The following XPO6 variants were observed in gnomAD, a reference collection of about 807,000 sequenced individuals.
XPO6 encodes exportin 6, also known as exportin-6.
A neutral mutation model predicts 130.0 loss-of-function variants in XPO6; 3 were observed. The ratio of observed to expected loss-of-function variants is 0.02; its 90% CI spans 0.01 to 0.06. The LOEUF is 0.06. Among genes scored for constraint, XPO6 ranks in the 10% least tolerant of loss-of-function variants. The pLI, the probability that XPO6 is intolerant of heterozygous loss-of-function variation, is 1.00. For synonymous variants in XPO6, 524 were observed against 548.9 expected, an observed-to-expected ratio of 0.95 and a Z score of 0.63; for missense variants, 970 against 1,393.0, an observed-to-expected ratio of 0.70 and a Z score of 4.83.
intron 14 of XPO6, among the ~76,000 whole-genome samples, chr16:28,120,719 TAGTA>T (rs1157975881): frequency 6.6e-6 from 1 of 152,202 alleles, no homozygotes; most frequent in African/African-American, 2.4e-5. Flanking sequence ...AAAACCACCA[TAGTA>T]AGTAAGATTC....
chr16:28,164,002 CCA>C (rs2043317934), intron 6 of XPO6, among the ~76,000 whole-genome samples: 3 of 152,178 alleles, frequency 2.0e-5, no homozygotes, highest in Admixed American at 6.5e-5. Context: ...GAGAAATAAA[CCA>C]CACACACTCC....
chr16:28,174,672 T>C (rs1769098702), intron 4 of XPO6, among the ~76,000 whole-genome samples: 1 of 152,242 alleles, frequency 6.6e-6, no homozygotes, highest in African/African-American at 2.4e-5. Flanking sequence ...AGAGAAGCAC[T>C]TTGGATGCTG....
intron 1 of XPO6, among the ~76,000 whole-genome samples, chr16:28,195,471 G>A (rs1164940973): frequency 6.6e-6 from 1 of 152,158 alleles, no homozygotes; most frequent in Non-Finnish European, 1.5e-5. Flanking sequence ...AGTCAAACAT[G>A]GCCAGGCGTG....
rs1426475966 is a variant in XPO6 at position 28,175,948 on chromosome 16, G to A, written c.355C>T (p.Arg119Cys). The A allele has an allele frequency of 6.2e-6, 10 of 1,614,152 alleles. No homozygotes were observed. The highest frequency in any genetic ancestry group is 1.1e-5 in the South Asian group (1 of 91,082). ...KLCKVIVDIGRQDWPMFYHDF... is the reference protein window; with the variant it reads ...KLCKVIVDIGCQDWPMFYHDF... ...TGGTAGAACATGGGCCAATCCTGACGTCCAATATCAACAATAACTTTGCAG... is the reference window on the plus strand; with the variant it reads ...TGGTAGAACATGGGCCAATCCTGACATCCAATATCAACAATAACTTTGCAG... The change falls in exon 4 of 24, where the codon CGT (arginine) becomes TGT (cysteine). Residue 119 changes from arginine (R) to cysteine (C), a missense_variant. Coordinates refer to ENST00000304658, the MANE Select transcript of XPO6 (RefSeq NM_015171.4).
Position 28,106,596 on chromosome 16 carries a change from T to C in XPO6, c.2498-99A>G. 3.4e-6 allele frequency: 3 copies of C among 893,932 alleles called. No homozygotes were observed. Among genetic ancestry groups the C allele is most frequent in the Non-Finnish European group, 5.4e-6 (3 of 553,544 alleles). 55.4% of individuals were successfully genotyped at this position (893,932 alleles called of 1,614,324 possible). A position where few individuals can be genotyped will look rare whatever the true frequency, so the allele number is the denominator to read the frequency against. ...ACTCCTGAAATCTGCACTATCAGCT[T>C]TCTCTACAGCTTCCTGCTGGAAACA... On this transcript the variant is annotated intron_variant, in intron 18 of 23. Coordinates refer to ENST00000304658, the MANE Select transcript of XPO6 (RefSeq NM_015171.4). The surrounding 1 kb of genome is among the most constrained non-coding windows in gnomAD (Gnocchi z 4.2).
chr16:28,150,482 G>A (rs747957582), intron 8 of XPO6, among the ~76,000 whole-genome samples: 5 of 152,144 alleles, frequency 3.3e-5, no homozygotes, highest in Non-Finnish European at 7.3e-5. Flanking sequence ...CTTAGGTGAG[G>A]AAACTGAAAT....
chr16:28,100,862 G>C (rs971502414), intron 23 of XPO6, among the ~76,000 whole-genome samples: 3 of 152,128 alleles, frequency 2.0e-5, no homozygotes, highest in Admixed American at 6.5e-5. Context: ...CTCCCACCGA[G>C]GTGCTGCACG....
intron 6 of XPO6, 36 bp from the exon 7 acceptor site, chr16:28,156,563 C>T: frequency 2.7e-6 from 4 of 1,462,768 alleles, no homozygotes; most frequent in Non-Finnish European, 2.7e-6. Context: ...TATCCAGCAT[C>T]AAATCTCTTA....
chr16:28,205,086 T>C (rs1021004594), intron 1 of XPO6, among the ~76,000 whole-genome samples: 1 of 151,816 alleles, frequency 6.6e-6, no homozygotes, highest in African/African-American at 2.4e-5. Context: ...AAAGGGAAAG[T>C]GAGGAATTAG....
chr16:28,153,166 A>C (rs1212185421), intron 7 of XPO6: 1 of 1,017,580 alleles, frequency 9.8e-7, no homozygotes, highest in Non-Finnish European at 1.2e-6. Context: ...CGGGAGGCCA[A>C]AATACTAAAG....
At chr16:28,167,149 G>A (rs768912300) in intron 5 of XPO6, 14 of 985,308 alleles carry the variant, frequency 1.4e-5, no homozygotes, top group Non-Finnish European at 1.7e-5. Context: ...CAAGTCTCCT[G>A]TTCTTGGCCC....
At chr16:28,190,642 G>A (rs2043771261) in intron 1 of XPO6, among the ~76,000 whole-genome samples, 1 of 152,188 alleles carries the variant, frequency 6.6e-6, no homozygotes, top group South Asian at 2.1e-4. Context: ...AGGCATGACT[G>A]AGCCAATTGA....
chr16:28,157,070 A>C (rs780346008), intron 6 of XPO6, among the ~76,000 whole-genome samples: 15 of 152,214 alleles, frequency 9.9e-5, no homozygotes, highest in Non-Finnish European at 1.8e-4. Flanking sequence ...AAAATATAAG[A>C]GTATTTGAAA....
chr16:28,153,520 C>T, intron 7 of XPO6: 2 of 985,344 alleles, frequency 2.0e-6, no homozygotes, highest in Non-Finnish European at 2.4e-6. Context: ...ACAGTGAATC[C>T]CCAACTCATT....
At chr16:28,143,016 T>C (rs143659292) in intron 9 of XPO6, among the ~76,000 whole-genome samples, 49 of 152,330 alleles carry the variant, frequency 3.2e-4, no homozygotes, top group African/African-American at 1.0e-3. Flanking sequence ...TGGCCTGTTG[T>C]TTTATTTTTC....
At chr16:28,177,193 A>G in intron 3 of XPO6, 27 bp downstream of exon 3, 1 of 1,505,966 alleles carries the variant, frequency 6.6e-7, no homozygotes, top group South Asian at 1.2e-5. Flanking sequence ...TCCTTTTCAG[A>G]AGAGTATAAA....
At chr16:28,104,301 T>C (rs2086722824) in intron 21 of XPO6, among the ~76,000 whole-genome samples, 1 of 152,176 alleles carries the variant, frequency 6.6e-6, no homozygotes, top group South Asian at 2.1e-4. Flanking sequence ...TTATCAAGCA[T>C]CTCCAAGTGT....
At chr16:28,130,687 G>A (rs1299778974) in intron 12 of XPO6, among the ~76,000 whole-genome samples, 1 of 152,060 alleles carries the variant, frequency 6.6e-6, no homozygotes, top group Non-Finnish European at 1.5e-5. Flanking sequence ...GACGAGCCGA[G>A]TTCTGTGAAA....
chr16:28,133,338 C>CA (rs11399806), intron 11 of XPO6, among the ~76,000 whole-genome samples: 99 of 141,848 alleles, frequency 7.0e-4, no homozygotes, highest in African/African-American at 1.3e-3. Context: ...GACTCCGTCT[C>CA]AAAAAAAAAA....
Sources: allele counts gnomAD v4.1 joint callset (sites outside exome capture counted in the v4.1 genomes callset), GRCh38; gene constraint gnomAD v4.1.1; non-coding constraint Gnocchi (gnomAD v3.1); transcripts MANE v1.5; gene names NCBI Gene and HGNC (gene_info 2026-07-23, HGNC 2026-07-21).